Variants in PDE1C observed in about 807,000 individuals in gnomAD.
PDE1C encodes the protein phosphodiesterase 1C.
PDE1C carries 62 observed loss-of-function variants against 93.1 expected under a neutral mutation model. The ratio of observed to expected loss-of-function variants is 0.67; its 90% CI spans 0.54 to 0.82. PDE1C has a LOEUF of 0.82. PDE1C is among the 40% of genes least tolerant of loss of function. PDE1C has a pLI of 0.00. For synonymous variants in PDE1C, 325 were observed against 310.1 expected (o/e 1.05, Z -0.50); for missense variants, 742 against 884.6 (o/e 0.84, Z 2.04).
intron 17 of PDE1C, among the ~76,000 whole-genome samples, chr7:31,769,840 T>A (rs1795370230): frequency 6.6e-6 from 1 of 152,246 alleles, no homozygotes; most frequent in Non-Finnish European, 1.5e-5. Flanking sequence ...GGGTATTTTA[T>A]GTAAATGGAA....
At chr7:31,953,025 T>C (rs1007319296) in intron 2 of PDE1C, among the ~76,000 whole-genome samples, 1 of 152,208 alleles carries the variant, frequency 6.6e-6, no homozygotes, top group African/African-American at 2.4e-5. Context: ...TAATATTTCC[T>C]GTAGTGCCCT....
chr7:31,835,053 C>G (rs1277635723), intron 11 of PDE1C, among the ~76,000 whole-genome samples: 1 of 152,022 alleles, frequency 6.6e-6, no homozygotes, highest in Non-Finnish European at 1.5e-5. Context: ...AAATCCCTTT[C>G]ACTTGGTCCT....
chr7:32,016,480 C>T (rs527998823), intron 2 of PDE1C, among the ~76,000 whole-genome samples: 4 of 152,152 alleles, frequency 2.6e-5, no homozygotes, highest in Non-Finnish European at 5.9e-5. Flanking sequence ...TTTCCATACT[C>T]TTTACATTTC....
chr7:31,809,036 G>A lies in PDE1C; in HGVS notation c.1886C>T (p.Thr629Ile), dbSNP rs1380910456. The A allele has an allele frequency of 2.6e-6, 4 of 1,561,312 alleles. No individual in the cohort carries two copies. In the Admixed American group the frequency reaches 6.7e-5, roughly 26 times the overall value. ...HSNIGNDSKK[T>I]DGTKQRSHGS... ...AATGAGAATAATACTCTTACCATCT[G>A]TTTTCTTTGAATCATTTCCGATGTT... is the stretch of plus-strand genomic sequence containing the variant. The change falls in exon 16 of 18, where the codon ACA becomes ATA. Residue 629 changes from threonine (T) to isoleucine (I), a missense_variant. Around this residue, in one of 4 missense-constraint regions of PDE1C, gnomAD observed 454 missense variants for 459.4 expected, o/e 0.99. Transcript: ENST00000396191.
the PDE1C span, among the ~76,000 whole-genome samples, chr7:31,743,391 G>A: frequency 6.6e-6 from 1 of 152,068 alleles, no homozygotes; most frequent in Admixed American, 6.6e-5. Flanking sequence ...GTGCTTATCT[G>A]TCCTTCAGAT....
chr7:32,288,249 G>A (rs1256388364), intron 1 of PDE1C, among the ~76,000 whole-genome samples: 1 of 152,186 alleles, frequency 6.6e-6, no homozygotes, highest in East Asian at 1.9e-4. Flanking sequence ...GTAAAATGGA[G>A]CTGCTCATAG....
chr7:31,962,322 G>A (rs1809112561), intron 2 of PDE1C, among the ~76,000 whole-genome samples: 1 of 152,178 alleles, frequency 6.6e-6, no homozygotes, highest in African/African-American at 2.4e-5. Flanking sequence ...TGCCAGCCCT[G>A]GAGTCTGCAC....
At chr7:31,850,143 T>G (rs1182046336) in intron 8 of PDE1C, among the ~76,000 whole-genome samples, 1 of 151,998 alleles carries the variant, frequency 6.6e-6, no homozygotes, top group Non-Finnish European at 1.5e-5. Flanking sequence ...CGGGGCCCTG[T>G]GCCAGGGAGT....
the PDE1C span, among the ~76,000 whole-genome samples, chr7:31,711,841 GAA>G: frequency 3.9e-5 from 6 of 152,080 alleles, no homozygotes; most frequent in South Asian, 1.2e-3. Flanking sequence ...TCCTTGCTTA[GAA>G]TAAAGGTAGA....
intron 1 of PDE1C, among the ~76,000 whole-genome samples, chr7:32,273,454 C>G (rs1410326481): frequency 1.3e-5 from 2 of 152,352 alleles, no homozygotes; most frequent in Non-Finnish European, 2.9e-5. Context: ...CCCCAAAGGA[C>G]AGTCATCCCA....
the PDE1C span, among the ~76,000 whole-genome samples, chr7:31,647,507 C>CA: frequency 2.6e-3 from 368 of 139,808 alleles, 2 homozygotes; most frequent in African/African-American, 9.0e-3. Context: ...ATTAAAACTA[C>CA]AAAAAAAAAA....
chr7:32,390,372 A>G (rs995265350), intron 1 of PDE1C, among the ~76,000 whole-genome samples: 7 of 152,038 alleles, frequency 4.6e-5, no homozygotes, highest in Admixed American at 1.3e-4. Flanking sequence ...ATGTCTGGAG[A>G]CATTTACGGT....
At chr7:31,704,271 C>T in the PDE1C span, among the ~76,000 whole-genome samples, 185 of 152,252 alleles carry the variant, frequency 1.2e-3, 1 homozygote, top group African/African-American at 4.0e-3. Flanking sequence ...TATCAGAAGA[C>T]GTGGTGTCCT....
intron 17 of PDE1C, among the ~76,000 whole-genome samples, chr7:31,772,047 A>C (rs1430943414): frequency 6.8e-6 from 1 of 147,712 alleles, no homozygotes; most frequent in Non-Finnish European, 1.5e-5. Context: ...CTCCGTCTCA[A>C]AAAAAAAAAA....
At chr7:32,217,151 T>G (rs1806495806) in intron 1 of PDE1C, among the ~76,000 whole-genome samples, 1 of 152,212 alleles carries the variant, frequency 6.6e-6, no homozygotes, top group Non-Finnish European at 1.5e-5. Flanking sequence ...CTAACCCTAT[T>G]AAGCCTCCCA....
At chr7:31,630,747 T>G in the PDE1C span, among the ~76,000 whole-genome samples, 4 of 151,968 alleles carry the variant, frequency 2.6e-5, no homozygotes, top group African/African-American at 9.7e-5. Flanking sequence ...CAAAAGGTCA[T>G]TAAGAAATTT....
Position 32,023,899 on chromosome 7 carries a change from C to T in PDE1C, c.128+27655G>A, listed in dbSNP as rs114523193. Among the ~76,000 whole-genome samples, 676 of 152,120 alleles carry T rather than the reference C, an allele frequency of 4.4e-3. 7 individuals carry two copies. The highest frequency in any genetic ancestry group is 0.015 in the African/African-American group (631 of 41,520). On this transcript the variant is annotated intron_variant, in intron 2 of 17. Coordinates refer to ENST00000396191, the MANE Select transcript of PDE1C (RefSeq NM_001191057.4). The stretch of plus-strand genomic sequence containing the variant: ...ACAAATGCAAATGATGTGTGCACAA[C>T]TGGGGAAATCTGAAAAAGCTCTATG...
intron 17 of PDE1C, among the ~76,000 whole-genome samples, chr7:31,767,523 G>A (rs1004603463): frequency 1.3e-5 from 2 of 152,174 alleles, no homozygotes; most frequent in African/African-American, 4.8e-5. Flanking sequence ...CCCAGAAGAA[G>A]CCACTATGCT....
rs574753229 is a variant in PDE1C at position 31,776,332 on chromosome 7, G to A, written c.1892-600C>T. ...TCCAGTGAGGATTAAAGGAAGCAAA[G>A]TGTGTCCAGTGCTCAGGAACAATGG... On this transcript the variant is annotated intron_variant, in intron 16 of 17. Coordinates refer to ENST00000396191, the MANE Select transcript of PDE1C (RefSeq NM_001191057.4). Among the ~76,000 whole-genome samples, 11 of 152,338 alleles carry A rather than the reference G, an allele frequency of 7.2e-5. 1 individual carries two copies. In the South Asian group the frequency reaches 2.3e-3, roughly 32 times the overall value.
Sources: gnomAD v4.1 joint callset for allele counts (sites outside exome capture counted in the v4.1 genomes callset) on GRCh38, gnomAD v4.1.1 for gene constraint, gnomAD v4.1.1 regional missense constraint, MANE v1.5 for transcripts, NCBI Gene and HGNC (gene_info 2026-07-23, HGNC 2026-07-21) for gene names.